FARS2: variants seen among roughly 807,000 people sequenced by gnomAD.
FARS2 encodes phenylalanine--tRNA ligase, mitochondrial.
A neutral mutation model predicts 46.4 loss-of-function variants in FARS2; 40 were observed. The observed-to-expected ratio is 0.86, with a 90% CI of 0.67 to 1.12. FARS2 has a LOEUF of 1.12. Ranked by LOEUF, FARS2 falls within the 50% of genes most tolerant of loss-of-function variation. The pLI is 0.00. For synonymous variants in FARS2, 234 were observed against 214.9 expected (o/e 1.09, Z -0.78); for missense variants, 513 against 567.9 (o/e 0.90, Z 0.98).
intron 1 of FARS2, among the ~76,000 whole-genome samples, chr6:5,303,960 G>A (rs1329614874): frequency 6.6e-6 from 1 of 152,070 alleles, no homozygotes; most frequent in Non-Finnish European, 1.5e-5. Flanking sequence ...GTGTGGCTCA[G>A]CCCATGATGC....
rs558990934 is a variant in FARS2 at position 5,599,896 on chromosome 6, T to G, written c.1066-13273T>G. Among the ~76,000 whole-genome samples the G allele has an allele frequency of 7.4e-4, 112 of 152,272 alleles. 1 individual carries two copies. Among genetic ancestry groups the G allele is most frequent in the African/African-American group, 2.6e-3 (106 of 41,562 alleles). On this transcript the variant is annotated intron_variant, in intron 5 of 6. Coordinates refer to ENST00000274680, the MANE Select transcript of FARS2 (RefSeq NM_006567.5). ...TTCTCAGGCTTGCTTCTTTTTTTTT[T>G]TTTGTGAAAAAGCATTAAGTTCAGG...
chr6:5,396,623 C>T (rs1760918084), intron 2 of FARS2, among the ~76,000 whole-genome samples: 1 of 152,164 alleles, frequency 6.6e-6, no homozygotes, highest in African/African-American at 2.4e-5. Context: ...AATTTTGTTA[C>T]AATTTTTAGG....
rs142597211 is a variant in FARS2 at position 5,404,735 on chromosome 6, T to A, written c.772+34T>A. The A allele has an allele frequency of 1.2e-4, 178 of 1,443,260 alleles. 1 individual carries two copies. In the African/African-American group the frequency reaches 2.1e-3, roughly 17 times the overall value. 89.4% of individuals were successfully genotyped at this position (1,443,260 alleles called of 1,614,324 possible). A position where few individuals can be genotyped will look rare whatever the true frequency, so the allele number is the denominator to read the frequency against. On this transcript the variant is annotated intron_variant, in intron 3 of 6. Transcript: ENST00000274680. The stretch of plus-strand genomic sequence containing the variant: ...TCAAACACAGGTTGACGATCTCTTA[T>A]CTGAAATACTTGGGACAGAAGTGTT...
chr6:5,708,082 A>G (rs1157904795), intron 6 of FARS2, among the ~76,000 whole-genome samples: 1 of 152,092 alleles, frequency 6.6e-6, no homozygotes, highest in Non-Finnish European at 1.5e-5. Context: ...GGATGAAAAC[A>G]TGTGGGCCTC....
chr6:5,352,135 A>ATTT (rs540539612), intron 1 of FARS2, among the ~76,000 whole-genome samples: 56 of 143,368 alleles, frequency 3.9e-4, no homozygotes, highest in Non-Finnish European at 7.4e-4. Context: ...TTTTTTTGTG[A>ATTT]TTTTTTTTTT....
intron 5 of FARS2, among the ~76,000 whole-genome samples, chr6:5,601,597 C>T (rs2150635408): frequency 6.6e-6 from 1 of 151,172 alleles, no homozygotes; most frequent in South Asian, 2.1e-4. Context: ...ACAGCATAGC[C>T]TGGCCTTAGT....
intron 5 of FARS2, among the ~76,000 whole-genome samples, chr6:5,578,986 T>C (rs1582495683): frequency 6.6e-6 from 1 of 152,126 alleles, no homozygotes; most frequent in Non-Finnish European, 1.5e-5. Context: ...GGATAAGGTT[T>C]TGTGGGGATT....
chr6:5,597,182 G>A (rs1336947456), intron 5 of FARS2, among the ~76,000 whole-genome samples: 1 of 152,208 alleles, frequency 6.6e-6, no homozygotes, highest in Non-Finnish European at 1.5e-5. Context: ...TGACCCAACA[G>A]ATGGCCAAAA....
intron 6 of FARS2, among the ~76,000 whole-genome samples, chr6:5,745,892 C>G (rs1761607581): frequency 6.6e-6 from 1 of 152,110 alleles, no homozygotes; most frequent in Admixed American, 6.5e-5. Context: ...CTCTGTGACC[C>G]TGTGTGGTAC....
intron 4 of FARS2, among the ~76,000 whole-genome samples, chr6:5,491,842 C>T (rs931604996): frequency 1.3e-5 from 2 of 152,172 alleles, no homozygotes; most frequent in Non-Finnish European, 2.9e-5. Flanking sequence ...CAATGAATTC[C>T]ATGAAAATCA....
chr6:5,474,995 A>G (rs1766038054), intron 4 of FARS2, among the ~76,000 whole-genome samples: 1 of 152,224 alleles, frequency 6.6e-6, no homozygotes, highest in South Asian at 2.1e-4. Context: ...CCACTGTCAT[A>G]TATAAGTAGT....
chr6:5,622,128 T>A (rs1775807486), intron 6 of FARS2, among the ~76,000 whole-genome samples: 1 of 152,230 alleles, frequency 6.6e-6, no homozygotes, highest in South Asian at 2.1e-4. Context: ...GGACCACCGT[T>A]GGGTTAAGAA....
chr6:5,296,364 A>T (rs975047128), intron 1 of FARS2, among the ~76,000 whole-genome samples: 1 of 151,868 alleles, frequency 6.6e-6, no homozygotes, highest in Non-Finnish European at 1.5e-5. Context: ...GATGGTCTCG[A>T]TCTCCTGACC....
intron 1 of FARS2, among the ~76,000 whole-genome samples, chr6:5,307,535 A>G (rs908579576): frequency 6.6e-6 from 1 of 152,220 alleles, no homozygotes; most frequent in African/African-American, 2.4e-5. Flanking sequence ...CATATTGTAT[A>G]TACTGTTTTC....
chr6:5,383,485 C>T (rs1347094876), intron 2 of FARS2, among the ~76,000 whole-genome samples: 1 of 152,210 alleles, frequency 6.6e-6, no homozygotes, highest in Non-Finnish European at 1.5e-5. Context: ...GGCTGTGCAA[C>T]TCAGCCTCTG....
intron 4 of FARS2, among the ~76,000 whole-genome samples, chr6:5,502,444 C>G (rs1204589211): frequency 4.6e-5 from 7 of 152,144 alleles, no homozygotes; most frequent in African/African-American, 1.7e-4. Context: ...CAATTACTCT[C>G]TCCCCAAAAG....
At chr6:5,744,514 C>G (rs1240076337) in intron 6 of FARS2, among the ~76,000 whole-genome samples, 2 of 152,196 alleles carry the variant, frequency 1.3e-5, no homozygotes, top group East Asian at 1.9e-4. Flanking sequence ...GATCACAGGA[C>G]TAAGTAGCAG....
chr6:5,282,867 C>T (rs373197988), intron 1 of FARS2, among the ~76,000 whole-genome samples: 6 of 152,302 alleles, frequency 3.9e-5, no homozygotes, highest in African/African-American at 1.4e-4. Context: ...AGATATTGTC[C>T]AGACAGAGGC....
chr6:5,392,790 A>G (rs1424508892), intron 2 of FARS2, among the ~76,000 whole-genome samples: 8 of 143,986 alleles, frequency 5.6e-5, no homozygotes. Flanking sequence ...ATGTGTGTAT[A>G]TATACATATA....
Sources: gnomAD v4.1 joint callset for allele counts (sites outside exome capture counted in the v4.1 genomes callset) on GRCh38, gnomAD v4.1.1 for gene constraint, MANE v1.5 for transcripts, NCBI Gene and HGNC (gene_info 2026-07-23, HGNC 2026-07-21) for gene names.